USP1: variants seen among roughly 807,000 people sequenced by gnomAD.
USP1 encodes ubiquitin specific peptidase 1.
A neutral mutation model predicts 72.2 loss-of-function variants in USP1; 18 were observed. That is an observed-to-expected ratio of 0.25 (90% CI 0.17 to 0.37). The LOEUF (loss-of-function observed/expected upper bound fraction) is 0.37, where lower values mean the gene tolerates loss of function less well. Ranked by LOEUF, USP1 falls within the 10% of genes least tolerant of loss-of-function variation. USP1 has a pLI of 1.00. For synonymous variants in USP1, 354 were observed against 303.7 expected (o/e 1.17, Z -1.72); for missense variants, 759 against 884.9 (o/e 0.86, Z 1.81).
At position 62,444,973 on chromosome 1, in the gene USP1, C is replaced by G. The variant is rs369200752; in HGVS notation, c.793C>G (p.Pro265Ala). The change falls in exon 6 of 9, where the codon CCA becomes GCA. Residue 265 changes from proline (P) to alanine (A), a missense_variant. Coordinates refer to ENST00000339950, the MANE Select transcript of USP1 (RefSeq NM_003368.5). Reference sequence around the variant, plus strand: ...TTCTGAAGACTTTAAAGAGAAACTCCCAAAAGGAAATGGGAAAAGAAAAAG... The same window carrying G: ...TTCTGAAGACTTTAAAGAGAAACTCGCAAAAGGAAATGGGAAAAGAAAAAG... ...RHSEDFKEKLPKGNGKRKSDT... is the reference protein window; with the variant it reads ...RHSEDFKEKLAKGNGKRKSDT... The G allele has an allele frequency of 2.4e-5, 39 of 1,613,212 alleles. No homozygotes were observed. The African/African-American group carries it at 5.1e-4, about 21-fold the overall frequency.
At chr1:62,445,571 T>C (rs1645166020) in intron 6 of USP1, 142 bp downstream of exon 6, 1 of 750,736 alleles carries the variant, frequency 1.3e-6, no homozygotes, top group East Asian at 2.8e-5. Context: ...ATGTGAACTA[T>C]GGTGTTTTAA....
chr1:62,448,838 C>T (rs1194120641), intron 8 of USP1, among the ~76,000 whole-genome samples, 172 bp downstream of exon 8: 1 of 152,008 alleles, frequency 6.6e-6, no homozygotes, highest in Non-Finnish European at 1.5e-5. Flanking sequence ...AATGAAACAA[C>T]TTAAATCCTT....
chr1:62,440,385 T>A (rs906189920), intron 2 of USP1, among the ~76,000 whole-genome samples: 13 of 144,686 alleles, frequency 9.0e-5, no homozygotes, highest in Non-Finnish European at 2.0e-4. Context: ...ATATATATAT[T>A]TGTTTGGTTC....
chr1:62,448,564 A>G lies in USP1; in HGVS notation c.1520A>G (p.Glu507Gly). ...GTAGGAGAAGATAAATATTTCTGTG[A>G]AAACTGCCATCATTATACTGAAGCT... ...RIVGEDKYFC[E>G]NCHHYTEAER... The change falls in exon 8 of 9, where the codon GAA becomes GGA. Residue 507 changes from glutamate to glycine, a missense_variant. This residue lies in a region of USP1 where 140 missense variants were observed against 222.8 expected (regional missense o/e 0.63). Coordinates refer to ENST00000339950, the MANE Select transcript of USP1 (RefSeq NM_003368.5). 1 of 1,613,964 alleles carries G rather than the reference A, an allele frequency of 6.2e-7. No homozygotes were observed.
rs1391416491 is a variant in USP1 at position 62,451,774 on chromosome 1, T to A, written c.*793T>A. 1 of 152,628 alleles carries A rather than the reference T, an allele frequency of 6.6e-6. No homozygotes were observed. Among genetic ancestry groups the A allele is most frequent in the African/African-American group, 2.4e-5 (1 of 41,440 alleles). The allele number at this position is 152,628 out of a possible 1,614,324, so 9.5% of individuals were successfully genotyped here. On this transcript the variant is annotated 3_prime_UTR_variant, in exon 9 of 9. Coordinates refer to ENST00000339950, the MANE Select transcript of USP1 (RefSeq NM_003368.5). ...TTTGAATTTTTTACTTGTATATTTT[T>A]ATAAATACAGCTGAGTTTTCTTAAA...
chr1:62,439,779 A>G lies in USP1; in HGVS notation c.-69-20A>G, dbSNP rs1211144150. Reference sequence around the variant, plus strand: ...AAACTGATAACCAAAAACTAATGAAACTTTCTCTGTGATTAACAGATATAA... The same window carrying G: ...AAACTGATAACCAAAAACTAATGAAGCTTTCTCTGTGATTAACAGATATAA... On this transcript the variant is annotated intron_variant, in intron 1 of 8. Transcript: ENST00000339950. The G allele has an allele frequency of 2.5e-6, 3 of 1,189,602 alleles. No homozygotes were observed. The highest frequency in any genetic ancestry group is 3.3e-6 in the Non-Finnish European group (3 of 915,574). 73.7% of individuals were successfully genotyped at this position (1,189,602 alleles called of 1,614,324 possible).
intron 5 of USP1, among the ~76,000 whole-genome samples, chr1:62,443,630 G>A (rs900518664): frequency 6.6e-6 from 1 of 152,180 alleles, no homozygotes; most frequent in Non-Finnish European, 1.5e-5. Context: ...TATCAAGTCG[G>A]TGATAAATAT....
chr1:62,451,139 A>G lies in USP1; in HGVS notation c.*158A>G. ...AATAGTGAAATTTGAATTACTGAAAACCATGTTAATTTTTAGAACTCATTT... is the reference window on the plus strand; with the variant it reads ...AATAGTGAAATTTGAATTACTGAAAGCCATGTTAATTTTTAGAACTCATTT... On this transcript the variant is annotated 3_prime_UTR_variant, in exon 9 of 9. Transcript: ENST00000339950. The G allele has an allele frequency of 1.3e-6, 1 of 773,146 alleles. No individual in the cohort carries two copies. The highest frequency in any genetic ancestry group is 1.9e-6 in the Non-Finnish European group (1 of 537,868). The allele number at this position is 773,146 out of a possible 1,614,324, so 47.9% of individuals were successfully genotyped here. A position where few individuals can be genotyped will look rare whatever the true frequency, so the allele number is the denominator to read the frequency against.
chr1:62,447,267 A>G, intron 6 of USP1, 74 bp from the exon 7 acceptor site: 3 of 1,393,524 alleles, frequency 2.2e-6, no homozygotes, highest in Non-Finnish European at 2.9e-6. Flanking sequence ...CTTTATTTAA[A>G]TGGAAAATTG....
In USP1 at chr1:62,437,348, G is replaced by C; in HGVS notation, c.-122G>C. The C allele has an allele frequency of 2.5e-6, 1 of 395,380 alleles. No individual in the cohort carries two copies. Among genetic ancestry groups the C allele is most frequent in the Non-Finnish European group, 4.5e-6 (1 of 224,488 alleles). 24.5% of individuals were successfully genotyped at this position (395,380 alleles called of 1,614,324 possible). A position where few individuals can be genotyped will look rare whatever the true frequency, so the allele number is the denominator to read the frequency against. ...TCACCTGTCGCACCCACACTCATTC[G>C]GGTTGGACTTGCCGGCGTCACCGCC... On this transcript the variant is annotated 5_prime_UTR_variant, in exon 1 of 9. Transcript: ENST00000339950.
chr1:62,442,131 G>T (rs1011935558), intron 3 of USP1, 64 bp from the exon 4 acceptor site: 1 of 1,113,284 alleles, frequency 9.0e-7, no homozygotes. Flanking sequence ...GCATGATGTT[G>T]TTTTAATGAT....
Position 62,451,273 on chromosome 1 carries a change from T to C in USP1, c.*292T>C. ...TTAAACACTTGGATTTACACCAGTC[T>C]TTTGTGTTTGCTTTTTAAAATAAAG... On this transcript the variant is annotated 3_prime_UTR_variant, in exon 9 of 9. Transcript: ENST00000339950. The C allele has an allele frequency of 4.4e-6, 1 of 229,874 alleles. No individual in the cohort carries two copies. The highest frequency in any genetic ancestry group is 8.3e-6 in the Non-Finnish European group (1 of 120,208). 14.2% of individuals were successfully genotyped at this position (229,874 alleles called of 1,614,324 possible). A position where few individuals can be genotyped will look rare whatever the true frequency, so the allele number is the denominator to read the frequency against.
chr1:62,445,294 A>G lies in USP1; in HGVS notation c.1114A>G (p.Lys372Glu), dbSNP rs1015329332. ...AAACCAAGGAGTCAAAGGACAATCT[A>G]AAGAAAATGAATGTGATCCTGAAGA... ...TTNQGVKGQSKENECDPEEDL... is the reference protein window; with the variant it reads ...TTNQGVKGQSEENECDPEEDL... Residue 372 changes from lysine (K) to glutamate (E), a missense_variant, in exon 6 of 9, where the codon AAA becomes GAA. Coordinates refer to ENST00000339950, the MANE Select transcript of USP1 (RefSeq NM_003368.5). The G allele has an allele frequency of 2.5e-6, 4 of 1,613,766 alleles. No individual in the cohort carries two copies. The highest frequency in any genetic ancestry group is 3.4e-6 in the Non-Finnish European group (4 of 1,179,926).
Position 62,439,828 on chromosome 1 carries a change from T to A in USP1, c.-40T>A. ...AATTGGTGATTACAACTTTCCTCTA[T>A]AAATTAACTCTTGACACTCCTTGGG... On this transcript the variant is annotated 5_prime_UTR_variant, in exon 2 of 9. Coordinates refer to ENST00000339950, the MANE Select transcript of USP1 (RefSeq NM_003368.5). 3 of 1,339,196 alleles carry A rather than the reference T, an allele frequency of 2.2e-6. No homozygotes were observed. The South Asian group carries it at 7.5e-5, about 34-fold the overall frequency. 83.0% of individuals were successfully genotyped at this position (1,339,196 alleles called of 1,614,324 possible).
At position 62,451,669 on chromosome 1, in the gene USP1, G is replaced by A. The variant is rs1458567762; in HGVS notation, c.*688G>A. The A allele has an allele frequency of 6.6e-6, 1 of 152,588 alleles. No individual in the cohort carries two copies. Among genetic ancestry groups the A allele is most frequent in the African/African-American group, 2.4e-5 (1 of 41,444 alleles). 9.5% of individuals were successfully genotyped at this position (152,588 alleles called of 1,614,324 possible). ...ATCTGTATATAGTACATCAAACTTA[G>A]AGGTGTGACCTTAAATTTAACTTTT... is the stretch of plus-strand genomic sequence containing the variant. On this transcript the variant is annotated 3_prime_UTR_variant, in exon 9 of 9. Coordinates refer to ENST00000339950, the MANE Select transcript of USP1 (RefSeq NM_003368.5).
upstream of USP1, chr1:62,436,791 C>T (rs368451431): frequency 8.2e-6 from 2 of 243,910 alleles, no homozygotes; most frequent in Admixed American, 1.1e-4. Flanking sequence ...CGCGCGCCCT[C>T]AGCGAGGACC....
In USP1 at chr1:62,448,595, A is replaced by C. The variant is rs1645192673; in HGVS notation, c.1551A>C (p.Arg517=). The C allele has an allele frequency of 6.2e-7, 1 of 1,613,886 alleles. No individual in the cohort carries two copies. Among genetic ancestry groups the C allele is most frequent in the East Asian group, 2.2e-5 (1 of 44,802 alleles). The change falls in exon 8 of 9, where the codon CGA becomes CGC. Residue 517 remains arginine, a synonymous_variant. Coordinates refer to ENST00000339950, the MANE Select transcript of USP1 (RefSeq NM_003368.5). Reference sequence around the variant, plus strand: ...GCCATCATTATACTGAAGCTGAACGAAGTCTTTTGTTTGACAAAATGCCTG... The same window carrying C: ...GCCATCATTATACTGAAGCTGAACGCAGTCTTTTGTTTGACAAAATGCCTG... ...ENCHHYTEAE[R]SLLFDKMPEV...
At chr1:62,441,226 T>C (rs749506549) in intron 2 of USP1, among the ~76,000 whole-genome samples, 1 of 152,216 alleles carries the variant, frequency 6.6e-6, no homozygotes, top group Non-Finnish European at 1.5e-5. Flanking sequence ...AATTTTCTAC[T>C]CTGTAAAATA....
In USP1 at chr1:62,443,275, T is replaced by C. The variant is rs1013734935; in HGVS notation, c.513T>C (p.Thr171=). Residue 171 remains threonine, a synonymous_variant, in exon 5 of 9, where the codon ACT becomes ACC. Transcript: ENST00000339950. ...TTCTCTTAAATCCAGAGAAATATACTGATGAACTTGCCACTCAGCCAAGGC... is the reference window on the plus strand; with the variant it reads ...TTCTCTTAAATCCAGAGAAATATACCGATGAACTTGCCACTCAGCCAAGGC... ...ASFLLNPEKY[T]DELATQPRRL... is the part of the protein sequence containing the mutation. 6.2e-7 allele frequency: 1 copy of C among 1,613,470 alleles called. No individual in the cohort carries two copies. The highest frequency in any genetic ancestry group is 1.3e-5 in the African/African-American group (1 of 74,906).
Sources: gnomAD v4.1 joint callset for allele counts (sites outside exome capture counted in the v4.1 genomes callset) on GRCh38, gnomAD v4.1.1 for gene constraint, gnomAD v4.1.1 regional missense constraint, MANE v1.5 for transcripts, NCBI Gene and HGNC (gene_info 2026-07-23, HGNC 2026-07-21) for gene names.